C12orf50: variants seen among roughly 807,000 people sequenced by gnomAD.
The protein encoded by C12orf50 is uncharacterized protein C12orf50.
In C12orf50, 35 loss-of-function variants were observed where a neutral mutation model predicts 61.6. The ratio of observed to expected loss-of-function variants is 0.57; its 90% CI spans 0.43 to 0.75. The LOEUF (loss-of-function observed/expected upper bound fraction) is 0.75. Ranked by LOEUF, C12orf50 falls within the 30% of genes least tolerant of loss-of-function variation. C12orf50 has a pLI of 0.00. For synonymous variants in C12orf50, 178 were observed against 161.5 expected, an observed-to-expected ratio of 1.10 and a Z score of -0.77; for missense variants, 475 against 488.5, an observed-to-expected ratio of 0.97 and a Z score of 0.26.
chr12:87,987,740 T>G, intron 9 of C12orf50, 110 bp downstream of exon 9: 2 of 744,354 alleles, frequency 2.7e-6, no homozygotes, highest in Non-Finnish European at 4.5e-6. Context: ...TCTGAATAAT[T>G]TTTAAACCTT....
At chr12:87,991,602 C>A (rs1300768343) in intron 7 of C12orf50, among the ~76,000 whole-genome samples, 1 of 151,742 alleles carries the variant, frequency 6.6e-6, no homozygotes, top group Non-Finnish European at 1.5e-5. Flanking sequence ...ATGCACCAGA[C>A]AAAAGAGAAA....
chr12:87,990,524 T>C (rs968367367), intron 7 of C12orf50, among the ~76,000 whole-genome samples: 4 of 152,024 alleles, frequency 2.6e-5, no homozygotes, highest in African/African-American at 9.7e-5. Context: ...AACTATAAAA[T>C]ACCAAAACAA....
intron 3 of C12orf50, among the ~76,000 whole-genome samples, chr12:88,008,161 C>A (rs1440346393): frequency 6.6e-6 from 1 of 151,860 alleles, no homozygotes; most frequent in African/African-American, 2.4e-5. Flanking sequence ...ATTTCATCAC[C>A]CAGGTATTAA....
intron 12 of C12orf50, among the ~76,000 whole-genome samples, chr12:87,981,073 A>C (rs1221932767): frequency 6.6e-6 from 1 of 152,206 alleles, no homozygotes; most frequent in African/African-American, 2.4e-5. Flanking sequence ...AAATAAGAAA[A>C]CAAACTATTT....
upstream of C12orf50, among the ~76,000 whole-genome samples, chr12:88,029,853 T>C (rs2032832196): frequency 6.6e-6 from 1 of 152,212 alleles, no homozygotes; most frequent in African/African-American, 2.4e-5. Flanking sequence ...TGAAAATATA[T>C]TGGGCTACTT....
At position 88,024,195 on chromosome 12, in the gene C12orf50, C is replaced by G. The variant is rs571750615; in HGVS notation, c.133+2293G>C. Among the ~76,000 whole-genome samples, 28 of 152,214 alleles carry G rather than the reference C, an allele frequency of 1.8e-4. No individual in the cohort carries two copies. In the South Asian group the frequency reaches 5.8e-3, roughly 32 times the overall value. ...ACTGCTGGTAGGAATGTAAATTGGT[C>G]CAGCCACTGTGCAAAGCAATGTAGC... On this transcript the variant is annotated intron_variant, in intron 3 of 12. Coordinates refer to ENST00000298699, the MANE Select transcript of C12orf50 (RefSeq NM_152589.3).
chr12:88,027,285 C>A lies in C12orf50; in HGVS notation c.-108-215G>T, dbSNP rs138350952. On this transcript the variant is annotated intron_variant, in intron 1 of 12. Coordinates refer to ENST00000298699, the MANE Select transcript of C12orf50 (RefSeq NM_152589.3). ...ATAGTCTAATGGTTACATAGTACAA[C>A]ATGCCACAAATCACTGATAAAATGC... 5.3e-3 allele frequency among the ~76,000 whole-genome samples: 804 copies of A among 152,306 alleles called. 15 individuals are homozygous for A. The highest frequency in any genetic ancestry group is 0.018 in the African/African-American group (759 of 41,560).
chr12:88,017,360 T>G (rs951619934), intron 3 of C12orf50, among the ~76,000 whole-genome samples: 1 of 152,194 alleles, frequency 6.6e-6, no homozygotes, highest in Non-Finnish European at 1.5e-5. Flanking sequence ...TGTGACTTGC[T>G]CCTCCTTGCC....
At chr12:87,999,937 A>G (rs1470183144) in intron 3 of C12orf50, among the ~76,000 whole-genome samples, 2 of 151,620 alleles carry the variant, frequency 1.3e-5, no homozygotes. Context: ...AAAATAATAT[A>G]TTATATGATT....
intron 7 of C12orf50, among the ~76,000 whole-genome samples, chr12:87,990,124 G>GT (rs2031047948): frequency 6.6e-6 from 1 of 152,056 alleles, no homozygotes; most frequent in African/African-American, 2.4e-5. Context: ...ATCATACTGG[G>GT]TTTTTCCCAA....
intron 3 of C12orf50, among the ~76,000 whole-genome samples, chr12:88,025,397 C>T (rs2032664808): frequency 6.6e-6 from 1 of 151,992 alleles, no homozygotes; most frequent in African/African-American, 2.4e-5. Context: ...ATAAAGTCAT[C>T]ATCAAAGAGG....
intron 3 of C12orf50, among the ~76,000 whole-genome samples, chr12:88,022,338 T>G (rs944736587): frequency 1.3e-5 from 2 of 152,052 alleles, no homozygotes; most frequent in Non-Finnish European, 2.9e-5. Flanking sequence ...AGCTAGGAAT[T>G]GAAGAAACGT....
At chr12:88,015,645 T>G (rs1378747989) in intron 3 of C12orf50, among the ~76,000 whole-genome samples, 1 of 152,208 alleles carries the variant, frequency 6.6e-6, no homozygotes, top group Non-Finnish European at 1.5e-5. Flanking sequence ...AAAGAATAAG[T>G]GCCTACCAGG....
chr12:88,020,872 A>C (rs2136490959), intron 3 of C12orf50, among the ~76,000 whole-genome samples: 1 of 152,280 alleles, frequency 6.6e-6, no homozygotes, highest in Non-Finnish European at 1.5e-5. Flanking sequence ...ATAGGAATCA[A>C]TACTAAGAAA....
In C12orf50 at chr12:88,027,026, A is replaced by T. The variant is rs1484003753; in HGVS notation, c.-64T>A. 6.2e-7 allele frequency: 1 copy of T among 1,613,926 alleles called. No individual in the cohort carries two copies. Among genetic ancestry groups the T allele is most frequent in the South Asian group, 1.1e-5 (1 of 91,058 alleles). On this transcript the variant is annotated 5_prime_UTR_variant, in exon 2 of 13. Coordinates refer to ENST00000298699, the MANE Select transcript of C12orf50 (RefSeq NM_152589.3). ...CTCTCCATAATGAGCACACAGTGTCACTGCCAAGGGCCTCTTCACAGTGTC... is the reference window on the plus strand; with the variant it reads ...CTCTCCATAATGAGCACACAGTGTCTCTGCCAAGGGCCTCTTCACAGTGTC...
intron 7 of C12orf50, among the ~76,000 whole-genome samples, chr12:87,994,361 GACAC>G (rs35200222): frequency 6.4e-4 from 96 of 150,262 alleles, no homozygotes; most frequent in African/African-American, 2.2e-3. Flanking sequence ...CCTACACACA[GACAC>G]ACACACACAC....
intron 7 of C12orf50, among the ~76,000 whole-genome samples, chr12:87,993,377 T>C (rs987128584): frequency 1.2e-4 from 19 of 152,194 alleles, no homozygotes; most frequent in African/African-American, 4.3e-4. Flanking sequence ...ATCCCACTTA[T>C]ATAGGTTAAA....
At chr12:88,008,636 A>G (rs1031322990) in intron 3 of C12orf50, among the ~76,000 whole-genome samples, 1 of 152,120 alleles carries the variant, frequency 6.6e-6, no homozygotes, top group African/African-American at 2.4e-5. Flanking sequence ...CCTATTTAAA[A>G]CTGTGAAATA....
chr12:88,003,830 A>G (rs2031746752), intron 3 of C12orf50, among the ~76,000 whole-genome samples: 2 of 152,196 alleles, frequency 1.3e-5, no homozygotes, highest in South Asian at 4.1e-4. Context: ...AGCTTCTTGT[A>G]TATGCAGATT....
Sources: gnomAD v4.1 joint callset for allele counts (sites outside exome capture counted in the v4.1 genomes callset) on GRCh38, gnomAD v4.1.1 for gene constraint, MANE v1.5 for transcripts, NCBI Gene and HGNC (gene_info 2026-07-23, HGNC 2026-07-21) for gene names.